DCDC1: variants seen among roughly 807,000 people sequenced by gnomAD.
The protein encoded by DCDC1 is doublecortin domain-containing protein 1.
Under a neutral mutation model 178.3 loss-of-function variants are expected in DCDC1, and 200 were observed. The observed-to-expected ratio is 1.12, with a 90% confidence interval of 1.00 to 1.26. The LOEUF is 1.26. Ranked by LOEUF, DCDC1 falls within the 50% of genes most tolerant of loss-of-function variation. The pLI is 0.00. For missense variants in DCDC1, 1,983 were observed against 1,749.2 expected, an observed-to-expected ratio of 1.13 and a Z score of -2.38; for synonymous variants, 690 against 604.8, an observed-to-expected ratio of 1.14 and a Z score of -2.07.
chr11:30,981,495 C>T (rs1156888370), intron 20 of DCDC1, among the ~76,000 whole-genome samples: 2 of 152,164 alleles, frequency 1.3e-5, no homozygotes, highest in Admixed American at 6.5e-5. Context: ...ATAACATAAA[C>T]GGTGTGTGAT....
intron 38 of DCDC1, among the ~76,000 whole-genome samples, chr11:30,875,322 G>A (rs1228209752): frequency 2.0e-5 from 3 of 152,078 alleles, no homozygotes; most frequent in Non-Finnish European, 4.4e-5. Flanking sequence ...ACCTAGCCTC[G>A]TAGAGGGGAC....
chr11:30,921,692 A>G (rs76349603), intron 24 of DCDC1, among the ~76,000 whole-genome samples: 74 of 152,266 alleles, frequency 4.9e-4, no homozygotes, highest in African/African-American at 1.7e-3. Flanking sequence ...GCATGTCTTG[A>G]TTCTCTCTAC....
Position 31,290,778 on chromosome 11 carries a change from T to C in DCDC1, c.829A>G (p.Lys277Glu), listed in dbSNP as rs148157215. 5.1e-5 allele frequency: 82 copies of C among 1,613,536 alleles called. No homozygotes were observed. The highest frequency in any genetic ancestry group is 1.7e-4 in the Middle Eastern group (1 of 6,060). Residue 277 changes from lysine to glutamate, a missense_variant, in exon 7 of 39, where the codon AAA (lysine) becomes GAA (glutamate). By Grantham distance (56) the Lys-to-Glu change is moderately conservative. Coordinates refer to ENST00000684477, the MANE Select transcript of DCDC1 (RefSeq NM_001387274.1). ...LMLPTDIKRR[K>E]TKPVLSIRMK... ...CTAATAGAAAGAACAGGCTTGGTTT[T>C]CCGTCTTTTGATATCAGTAGGAAGC...
intron 1 of DCDC1, among the ~76,000 whole-genome samples, chr11:31,354,991 T>TAA (rs1951261682): frequency 6.6e-6 from 1 of 151,902 alleles, no homozygotes; most frequent in Non-Finnish European, 1.5e-5. Context: ...CTAAGTGGTG[T>TAA]TGCACTGGGA....
chr11:31,148,905 C>T (rs1042363393), intron 9 of DCDC1, among the ~76,000 whole-genome samples: 3 of 151,882 alleles, frequency 2.0e-5, no homozygotes, highest in Non-Finnish European at 2.9e-5. Flanking sequence ...CGCCCAACTT[C>T]CCCCCAAGTC....
intron 36 of DCDC1, among the ~76,000 whole-genome samples, chr11:30,888,098 A>AAAAGAAAG (rs59770180): frequency 0.027 from 2,808 of 105,390 alleles, 88 homozygotes; most frequent in East Asian, 0.046. Context: ...GAAAGAAAGA[A>AAAAGAAAG]AAAGAAAGAA....
intron 36 of DCDC1, among the ~76,000 whole-genome samples, chr11:30,885,541 C>T (rs932071093): frequency 9.2e-5 from 14 of 151,874 alleles, no homozygotes; most frequent in African/African-American, 1.2e-4. Context: ...ACTTAGGGAA[C>T]GCAGAGATAA....
intron 20 of DCDC1, among the ~76,000 whole-genome samples, chr11:31,042,290 CG>C (rs1264376471): frequency 6.6e-6 from 1 of 152,118 alleles, no homozygotes; most frequent in African/African-American, 2.4e-5. Context: ...GTTTATGTAA[CG>C]GAACACACAG....
chr11:30,928,547 A>T (rs1392436782), intron 22 of DCDC1, among the ~76,000 whole-genome samples: 1 of 2,846 alleles, frequency 3.5e-4, no homozygotes, highest in Non-Finnish European at 7.1e-4. Context: ...ATATTTACAG[A>T]GTTGGCCATT....
chr11:31,098,569 CAT>C (rs1958301623), intron 15 of DCDC1, among the ~76,000 whole-genome samples: 1 of 152,182 alleles, frequency 6.6e-6, no homozygotes, highest in African/African-American at 2.4e-5. Context: ...AATTTTAAAA[CAT>C]ATGCATCAAG....
At chr11:30,960,407 T>C (rs1949028643) in intron 20 of DCDC1, among the ~76,000 whole-genome samples, 1 of 152,144 alleles carries the variant, frequency 6.6e-6, no homozygotes, top group Non-Finnish European at 1.5e-5. Flanking sequence ...AGATTGACCT[T>C]TCATGTAAAA....
chr11:31,307,850 A>C lies in DCDC1; in HGVS notation c.223T>G (p.Ser75Ala). 1 of 1,614,142 alleles carries C rather than the reference A, an allele frequency of 6.2e-7. No individual in the cohort carries two copies. The highest frequency in any genetic ancestry group is 8.5e-7 in the Non-Finnish European group (1 of 1,179,992). The change falls in exon 4 of 39, where the codon TCT (serine) becomes GCT (alanine). Residue 75 changes from serine (S) to alanine (A), a missense_variant. Transcript: ENST00000684477. ...VIKTTDDYLQ[S>A]QFGPNRLVHS... is the part of the protein sequence containing the mutation. Reference sequence around the variant, plus strand: ...ACGAGTCTGTTGGGGCCAAACTGAGACTGCAAATAATCATCAGTAGTTTTA... The same window carrying C: ...ACGAGTCTGTTGGGGCCAAACTGAGCCTGCAAATAATCATCAGTAGTTTTA...
Position 30,906,620 on chromosome 11 carries a change from C to T in DCDC1, c.4024G>A (p.Val1342Ile). ...EKGLKQLLPGVPFLCISGTKT... is the reference protein window; with the variant it reads ...EKGLKQLLPGIPFLCISGTKT... Reference sequence around the variant, plus strand: ...GTGCCTGAAATACAGAGGAATGGAACCCCTGGAAGCAATTGTTTCAGTCCT... The same window carrying T: ...GTGCCTGAAATACAGAGGAATGGAATCCCTGGAAGCAATTGTTTCAGTCCT... Residue 1342 changes from valine (V) to isoleucine (I), a missense_variant, in exon 30 of 39, where the codon GTT (valine) becomes ATT (isoleucine). Val to Ile is a conservative substitution (Grantham distance 29). Coordinates refer to ENST00000684477, the MANE Select transcript of DCDC1 (RefSeq NM_001387274.1). 6 of 1,613,456 alleles carry T rather than the reference C, an allele frequency of 3.7e-6. No homozygotes were observed. Among genetic ancestry groups the T allele is most frequent in the Non-Finnish European group, 4.2e-6 (5 of 1,179,690 alleles).
intron 1 of DCDC1, among the ~76,000 whole-genome samples, chr11:31,338,897 G>A (rs1413734957): frequency 2.0e-5 from 3 of 151,842 alleles, no homozygotes; most frequent in African/African-American, 4.8e-5. Flanking sequence ...TTTCTTACCC[G>A]TCCTCAATGT....
At chr11:31,280,492 G>T (rs1318973276) in intron 7 of DCDC1, among the ~76,000 whole-genome samples, 2 of 152,154 alleles carry the variant, frequency 1.3e-5, no homozygotes, top group African/African-American at 4.8e-5. Context: ...TTCAAAAACT[G>T]AACATATTCA....
Position 31,064,533 on chromosome 11 carries a change from C to CCGT in DCDC1, c.2524_2526dup (p.Thr842dup). On this transcript the variant is annotated inframe_insertion, in exon 20 of 39. Coordinates refer to ENST00000684477, the MANE Select transcript of DCDC1 (RefSeq NM_001387274.1). ...CTCACCAGTGCTACTGTCAGCTCCC[C>CCGT]CGTCTCCTCAAGAGAACCTTCTGGC... 1.3e-6 allele frequency: 1 copy of CCGT among 765,828 alleles called. No homozygotes were observed. The highest frequency in any genetic ancestry group is 2.4e-6 in the Non-Finnish European group (1 of 417,590). 47.4% of individuals were successfully genotyped at this position (765,828 alleles called of 1,614,324 possible). A position where few individuals can be genotyped will look rare whatever the true frequency, so the allele number is the denominator to read the frequency against.
At chr11:31,192,275 T>C (rs1303473492) in intron 9 of DCDC1, among the ~76,000 whole-genome samples, 1 of 152,046 alleles carries the variant, frequency 6.6e-6, no homozygotes, top group East Asian at 1.9e-4. Context: ...TTCCTAGAAG[T>C]TCAAATCTAA....
intron 9 of DCDC1, among the ~76,000 whole-genome samples, chr11:31,185,348 T>A (rs1473991577): frequency 6.6e-6 from 1 of 152,106 alleles, no homozygotes; most frequent in African/African-American, 2.4e-5. Flanking sequence ...CGATGGCACG[T>A]GTATAGCTAT....
At chr11:31,145,847 G>T (rs1338853548) in intron 9 of DCDC1, among the ~76,000 whole-genome samples, 1 of 152,126 alleles carries the variant, frequency 6.6e-6, no homozygotes, top group Non-Finnish European at 1.5e-5. Flanking sequence ...TGTGCAGTGT[G>T]GCTGCATTTA....
Sources: allele counts gnomAD v4.1 joint callset (sites outside exome capture counted in the v4.1 genomes callset), GRCh38; gene constraint gnomAD v4.1.1; transcripts MANE v1.5; gene names NCBI Gene and HGNC (gene_info 2026-07-23, HGNC 2026-07-21).